The following RBM4 variants were observed in gnomAD, a reference collection of about 807,000 sequenced individuals.
RBM4 encodes RNA binding motif protein 4, also known as RNA-binding protein 4.
RBM4 carries 7 observed loss-of-function variants against 29.5 expected under a neutral mutation model. The observed-to-expected ratio is 0.24, with a 90% confidence interval of 0.14 to 0.45. The LOEUF is 0.45. Ranked by LOEUF, RBM4 falls within the 20% of genes least tolerant of loss-of-function variation. The pLI is 1.00. For synonymous variants in RBM4, 220 were observed against 205.4 expected (o/e 1.07, Z -0.61); for missense variants, 387 against 502.3 (o/e 0.77, Z 2.19).
rs375443672 is a variant in RBM4, at chr11:66,639,822, C to T, written c.111C>T (p.Tyr37=). ...TGGAATGTGACATCATTAAGAATTACGGCTTTGTGCACATAGAAGACAAGA... is the reference window on the plus strand; with the variant it reads ...TGGAATGTGACATCATTAAGAATTATGGCTTTGTGCACATAGAAGACAAGA... ...KVLECDIIKN[Y]GFVHIEDKTA... The change falls in exon 2 of 4, where the codon TAC becomes TAT. Residue 37 remains tyrosine, a synonymous_variant. Coordinates refer to ENST00000310092, the MANE Select transcript of RBM4 (RefSeq NM_002896.4). 195 of 1,613,990 alleles carry T rather than the reference C, an allele frequency of 1.2e-4. No individual in the cohort carries two copies. Among genetic ancestry groups the T allele is most frequent in the Non-Finnish European group, 1.6e-4 (194 of 1,180,026 alleles).
chr11:66,651,349 C>CTT (rs750581946), downstream of RBM4, among the ~76,000 whole-genome samples: 10 of 140,254 alleles, frequency 7.1e-5, no homozygotes, highest in East Asian at 1.4e-3. Flanking sequence ...AGAGAAAGTA[C>CTT]TTTTTTTTTT....
At chr11:66,665,125 C>T (rs1939177071) in intron 2 of RBM4, 1 of 157,378 alleles carries the variant, frequency 6.4e-6, no homozygotes, top group South Asian at 1.9e-4. Flanking sequence ...ACAAACAAAA[C>T]AACAAAACCC....
intron 3 of RBM4, 71 bp downstream of exon 3, chr11:66,644,211 C>T: frequency 1.3e-6 from 2 of 1,529,310 alleles, no homozygotes; most frequent in Non-Finnish European, 1.8e-6. Flanking sequence ...TCCAATTAGG[C>T]TGCCCTGCTT....
chr11:66,640,778 T>C (rs1347365080), intron 2 of RBM4: 1 of 152,400 alleles, frequency 6.6e-6, no homozygotes. Flanking sequence ...TATAAGATTT[T>C]GGTGAATAGA....
At chr11:66,650,690 C>T (rs1938807477), downstream of RBM4, among the ~76,000 whole-genome samples, 1 of 151,288 alleles carries the variant, frequency 6.6e-6, no homozygotes, top group South Asian at 2.1e-4. Context: ...GGTGAAACTC[C>T]ATCTCTACTA....
chr11:66,660,906 C>A (rs964976616), intron 2 of RBM4, among the ~76,000 whole-genome samples: 1 of 151,672 alleles, frequency 6.6e-6, no homozygotes, highest in African/African-American at 2.4e-5. Flanking sequence ...CCACCCGACT[C>A]GGCCTCCCAA....
Position 66,639,726 on chromosome 11 carries a change from C to A in RBM4, c.15C>A (p.Phe5Leu), listed in dbSNP as rs1383274242. The A allele has an allele frequency of 1.2e-6, 2 of 1,613,752 alleles. No individual in the cohort carries two copies. Among genetic ancestry groups the A allele is most frequent in the Non-Finnish European group, 1.7e-6 (2 of 1,179,770 alleles). Residue 5 changes from phenylalanine (F) to leucine (L), a missense_variant, in exon 2 of 4, where the codon TTC becomes TTA. Phe to Leu is a conservative substitution (Grantham distance 22, BLOSUM62 0). This residue lies in a region of RBM4 where 106 missense variants were observed against 213.6 expected (regional missense o/e 0.50). Coordinates refer to ENST00000310092, the MANE Select transcript of RBM4 (RefSeq NM_002896.4). ...CTCTTGTCAGGATGGTGAAGCTGTT[C>A]ATCGGAAACCTGCCCCGGGAGGCTA... MVKL[F>L]IGNLPREATE...
At chr11:66,665,773 T>C (rs1465994416) in intron 2 of RBM4, 3 of 1,331,090 alleles carry the variant, frequency 2.3e-6, no homozygotes, top group Non-Finnish European at 2.0e-6. Flanking sequence ...AGGAATCCAC[T>C]TATGGCTATA....
At chr11:66,647,907 T>G (rs953235426), downstream of RBM4, among the ~76,000 whole-genome samples, 32 of 152,164 alleles carry the variant, frequency 2.1e-4, no homozygotes, top group Non-Finnish European at 4.3e-4. Context: ...ACAAAACTAG[T>G]TAAAATTTTA....
intron 2 of RBM4, among the ~76,000 whole-genome samples, chr11:66,664,605 C>T (rs889690366): frequency 2.0e-5 from 3 of 152,022 alleles, no homozygotes; most frequent in Non-Finnish European, 4.4e-5. Flanking sequence ...GGATTACAGG[C>T]GCCTGCCACC....
At chr11:66,649,894 A>C, downstream of RBM4, 1 of 571,280 alleles carries the variant, frequency 1.8e-6, no homozygotes, top group Non-Finnish European at 3.1e-6. Context: ...GTAGTTTTTC[A>C]AGAGTAATGC....
intron 2 of RBM4, chr11:66,665,807 G>A (rs1939209585): frequency 1.4e-6 from 2 of 1,460,474 alleles, no homozygotes; most frequent in Middle Eastern, 1.7e-4. Flanking sequence ...ATGCAATCTA[G>A]CTGAAGAATG....
At chr11:66,639,487 T>C in intron 1 of RBM4, 1 of 632,476 alleles carries the variant, frequency 1.6e-6, no homozygotes, top group Non-Finnish European at 2.7e-6. Context: ...AGGACCTCCC[T>C]ATTGCAGACG....
rs749467146 is a variant in RBM4, at chr11:66,643,884, G to GC, written c.848dup (p.Ala284CysfsTer47). ...ACACCTGTTGCCGACCTCAGGAGCT[G>GC]CTGCCACAGCTGCTGCTGCAGCAGC... On this transcript the variant is annotated frameshift_variant, in exon 3 of 4. Transcript: ENST00000310092. LOFTEE classifies it high-confidence loss of function. The surrounding 1 kb of genome is among the most constrained non-coding windows in gnomAD (Gnocchi z 6.1). 6.2e-7 allele frequency: 1 copy of GC among 1,613,216 alleles called. No homozygotes were observed. Among genetic ancestry groups the GC allele is most frequent in the Non-Finnish European group, 8.5e-7 (1 of 1,179,758 alleles).
At position 66,642,581 on chromosome 11, in the gene RBM4, G is replaced by A. The variant is rs76717265; in HGVS notation, c.413-869G>A. Among the ~76,000 whole-genome samples the A allele has an allele frequency of 8.2e-3, 1,253 of 152,270 alleles. 16 individuals are homozygous for A. The highest frequency in any genetic ancestry group is 0.027 in the African/African-American group (1,126 of 41,544). Reference sequence around the variant, plus strand: ...TTACGCTCTCAGATATGTAGTTGCAGGAGAAGTACTTTAATTCTGCTTAAA... The same window carrying A: ...TTACGCTCTCAGATATGTAGTTGCAAGAGAAGTACTTTAATTCTGCTTAAA... On this transcript the variant is annotated intron_variant, in intron 2 of 3. Transcript: ENST00000310092.
intron 2 of RBM4, chr11:66,665,539 T>C: frequency 6.7e-7 from 1 of 1,500,610 alleles, no homozygotes; most frequent in South Asian, 1.2e-5. Flanking sequence ...AGTTCTCATA[T>C]ATGACCGCAG....
downstream of RBM4, among the ~76,000 whole-genome samples, chr11:66,651,182 G>A (rs181143652): frequency 1.9e-3 from 283 of 152,190 alleles, no homozygotes; most frequent in African/African-American, 6.3e-3. Context: ...ATTAAGTGCT[G>A]TTTCAAATTA....
chr11:66,643,333 G>T lies in RBM4; in HGVS notation c.413-117G>T. 21 of 1,179,738 alleles carry T rather than the reference G, an allele frequency of 1.8e-5. No individual in the cohort carries two copies. Among genetic ancestry groups the T allele is most frequent in the Middle Eastern group, 2.1e-4 (1 of 4,832 alleles). 73.1% of individuals were successfully genotyped at this position (1,179,738 alleles called of 1,614,324 possible). On this transcript the variant is annotated intron_variant, in intron 2 of 3. Transcript: ENST00000310092. This position sits in a 1 kb window ranked among gnomAD's most constrained non-coding sequence, Gnocchi z 6.1. ...TTTTTCCTTTTTATCTTTTCCTAAA[G>T]ATGAGTCCTGCATTAGAATTGTCTA...
chr11:66,659,047 T>C (rs1282664517), intron 2 of RBM4, among the ~76,000 whole-genome samples: 3 of 151,446 alleles, frequency 2.0e-5, no homozygotes, highest in Admixed American at 6.6e-5. Context: ...TTTTTTTTTT[T>C]CCTAACCACC....
Sources: gnomAD v4.1 joint callset for allele counts (sites outside exome capture counted in the v4.1 genomes callset) on GRCh38, gnomAD v4.1.1 for gene constraint, gnomAD v4.1.1 regional missense constraint, Gnocchi (gnomAD v3.1) non-coding constraint, MANE v1.5 for transcripts, NCBI Gene and HGNC (gene_info 2026-07-23, HGNC 2026-07-21) for gene names.